Variants in BSCL2 observed in about 807,000 individuals in gnomAD.
The protein encoded by BSCL2 is seipin.
Under a neutral mutation model 57.4 loss-of-function variants are expected in BSCL2, and 41 were observed. The observed-to-expected ratio is 0.71, with a 90% CI of 0.56 to 0.93. BSCL2 has a LOEUF of 0.93. Among genes scored for constraint, BSCL2 ranks in the 40% least tolerant of loss-of-function variants. BSCL2 has a pLI of 0.00. For synonymous variants in BSCL2, 237 were observed against 227.3 expected (o/e 1.04, Z -0.38); for missense variants, 539 against 586.7 (o/e 0.92, Z 0.84).
Position 62,692,033 on chromosome 11 carries a change from C to G in BSCL2, c.863+343G>C, listed in dbSNP as rs1417934577. Among the ~76,000 whole-genome samples, 4 of 137,624 alleles carry G rather than the reference C, an allele frequency of 2.9e-5. No homozygotes were observed. The East Asian group carries it at 6.3e-4, about 22-fold the overall frequency. 90.3% of individuals were successfully genotyped at this position (137,624 alleles called of 152,430 possible). On this transcript the variant is annotated intron_variant, in intron 6 of 10. Transcript: ENST00000360796. ...CGCCACTGCACTCCAGCCTAGGCAACAGAGCAAGACCCCCTCTTAAAAAAA... is the reference window on the plus strand; with the variant it reads ...CGCCACTGCACTCCAGCCTAGGCAAGAGAGCAAGACCCCCTCTTAAAAAAA...
At chr11:62,702,378 C>T (rs569156452) in intron 3 of BSCL2, 90 bp downstream of exon 3, 20 of 1,213,292 alleles carry the variant, frequency 1.6e-5, no homozygotes, top group Admixed American at 5.9e-5. Flanking sequence ...TCTCTTATTA[C>T]TCAATTCCTT....
intron 2 of BSCL2, 152 bp from the exon 3 acceptor site, chr11:62,702,701 C>A: frequency 1.5e-6 from 1 of 668,192 alleles, no homozygotes; most frequent in Non-Finnish European, 2.8e-6. Flanking sequence ...ACAAATGTGG[C>A]CAGGAGATTC....
At chr11:62,697,376 C>T (rs1479355238) in intron 3 of BSCL2, 2 of 108,222 alleles carry the variant, frequency 1.8e-5, no homozygotes, top group Non-Finnish European at 3.8e-5. Flanking sequence ...GCCTGGGCAA[C>T]TCCGTCTCAA....
Position 62,697,191 on chromosome 11 carries a change from G to A in BSCL2, c.487-2480C>T, listed in dbSNP as rs1396925698. Among the ~76,000 whole-genome samples the A allele has an allele frequency of 2.0e-5, 3 of 146,820 alleles. No individual in the cohort carries two copies. The East Asian group carries it at 6.4e-4, about 31-fold the overall frequency. On this transcript the variant is annotated intron_variant, in intron 3 of 10. Coordinates refer to ENST00000360796, the MANE Select transcript of BSCL2 (RefSeq NM_001122955.4). ...GGGCAGAAGACGAGGTCAGGAGATC[G>A]AGACCATCCTGGCTAACACGGTGAA...
At chr11:62,700,619 C>T (rs181967405) in intron 3 of BSCL2, among the ~76,000 whole-genome samples, 2 of 151,770 alleles carry the variant, frequency 1.3e-5, no homozygotes, top group African/African-American at 2.4e-5. Flanking sequence ...GTAGCCTGGG[C>T]GACAGGAAAG....
chr11:62,693,112 T>A (rs1191008149), intron 4 of BSCL2, among the ~76,000 whole-genome samples: 1 of 152,162 alleles, frequency 6.6e-6, no homozygotes, highest in Non-Finnish European at 1.5e-5. Flanking sequence ...GGGATCTAAG[T>A]CCCAGCGCAC....
chr11:62,695,141 C>T (rs761664704), intron 3 of BSCL2, among the ~76,000 whole-genome samples: 4 of 152,198 alleles, frequency 2.6e-5, no homozygotes, highest in African/African-American at 4.8e-5. Flanking sequence ...CAGTCATCCT[C>T]GCTCCAGATC....
At position 62,691,127 on chromosome 11, in the gene BSCL2, T is replaced by C; in HGVS notation, c.1020A>G (p.Lys340=). The C allele has an allele frequency of 6.2e-7, 1 of 1,614,220 alleles. No individual in the cohort carries two copies. Among genetic ancestry groups the C allele is most frequent in the South Asian group, 1.1e-5 (1 of 91,086 alleles). Residue 340 remains lysine, a synonymous_variant, in exon 8 of 11, where the codon AAA becomes AAG. Transcript: ENST00000360796. The stretch of plus-strand genomic sequence containing the variant: ...GGACTTCCTTCCGGGAATTGTCTCT[T>C]TTTCGGATGTTAACCTGTGGAGGAA... The part of the protein sequence containing the change: ...HRFSLQVNIR[K]RDNSRKEVQR...
At chr11:62,708,561 G>A (rs2083582146), upstream of BSCL2, 1 of 1,443,038 alleles carries the variant, frequency 6.9e-7, no homozygotes, top group African/African-American at 1.4e-5. Flanking sequence ...GGGGGATGAG[G>A]GAGAAGACAA....
At chr11:62,703,347 GTTT>G (rs541712297) in intron 2 of BSCL2, among the ~76,000 whole-genome samples, 14 of 68,794 alleles carry the variant, frequency 2.0e-4, no homozygotes, top group African/African-American at 4.8e-4. Flanking sequence ...ATGCATATAC[GTTT>G]TTTTTTTTTT....
chr11:62,704,369 TAAAAAA>T (rs71056549), intron 2 of BSCL2, among the ~76,000 whole-genome samples: 2 of 81,762 alleles, frequency 2.4e-5, no homozygotes, highest in African/African-American at 1.0e-4. Context: ...CCATCTCTAC[TAAAAAA>T]AAAAAAAAAA....
At chr11:62,706,762 G>A (rs961716839) in intron 1 of BSCL2, 1 of 537,814 alleles carries the variant, frequency 1.9e-6, no homozygotes, top group Admixed American at 2.3e-5. Context: ...GGCAACCTGG[G>A]CCTCTTGCGT....
chr11:62,692,857 C>T (rs1175939102), intron 4 of BSCL2, 60 bp from the exon 5 acceptor site: 11 of 1,606,642 alleles, frequency 6.8e-6, no homozygotes, highest in East Asian at 2.2e-5. Context: ...CATGACCCTA[C>T]CTACCCCTCA....
intron 3 of BSCL2, among the ~76,000 whole-genome samples, chr11:62,698,081 G>C (rs1945528158): frequency 1.3e-5 from 2 of 150,954 alleles, no homozygotes; most frequent in Non-Finnish European, 1.5e-5. Context: ...CTAATTTTTT[G>C]TATTTTTAGT....
intron 3 of BSCL2, among the ~76,000 whole-genome samples, chr11:62,696,162 T>G (rs1350750837): frequency 6.6e-6 from 1 of 152,006 alleles, no homozygotes; most frequent in Non-Finnish European, 1.5e-5. Context: ...CAGAGCAAGA[T>G]TCTGTCTCAA....
At position 62,692,430 on chromosome 11, in the gene BSCL2, C is replaced by T. The variant is rs763884653; in HGVS notation, c.809G>A (p.Arg270His). Reference protein sequence around the residue: ...TGAIIEIHSKRIQLYGAYLRI... With the variant: ...TGAIIEIHSKHIQLYGAYLRI... ...GAGGTAGGCTCCATACAGCTGGATGCGCTTGCTGTGGATCTCAATGATCGC... is the reference window on the plus strand; with the variant it reads ...GAGGTAGGCTCCATACAGCTGGATGTGCTTGCTGTGGATCTCAATGATCGC... The change falls in exon 6 of 11, where the codon CGC (arginine) becomes CAC (histidine). Residue 270 changes from arginine to histidine, a missense_variant. Around this residue, in one of 3 missense-constraint regions of BSCL2, gnomAD observed 73 missense variants for 122.0 expected, o/e 0.60. Transcript: ENST00000360796. 43 of 1,614,014 alleles carry T rather than the reference C, an allele frequency of 2.7e-5. 2 individuals carry two copies. The highest frequency in any genetic ancestry group is 2.6e-4 in the South Asian group (24 of 91,090).
chr11:62,705,272 C>T, intron 2 of BSCL2, 29 bp downstream of exon 2: 12 of 1,572,014 alleles, frequency 7.6e-6, no homozygotes, highest in Non-Finnish European at 7.8e-6. Context: ...CCATAGGAGT[C>T]CTCTATTTTG....
chr11:62,706,253 A>C, intron 1 of BSCL2: 5 of 1,095,420 alleles, frequency 4.6e-6, no homozygotes, highest in Non-Finnish European at 5.6e-6. Flanking sequence ...AGGGCTGCCG[A>C]CTCACCAGCC....
At chr11:62,708,912 C>G, upstream of BSCL2, 2 of 846,380 alleles carry the variant, frequency 2.4e-6, no homozygotes, top group Non-Finnish European at 3.9e-6. Context: ...CCATCCCTAA[C>G]CCTTGCCTGA....
Sources: allele counts gnomAD v4.1 joint callset (sites outside exome capture counted in the v4.1 genomes callset), GRCh38; gene constraint gnomAD v4.1.1; regional missense constraint gnomAD v4.1.1; transcripts MANE v1.5; gene names NCBI Gene and HGNC (gene_info 2026-07-23, HGNC 2026-07-21).